Variants in ADK observed in about 807,000 individuals in gnomAD.
The protein encoded by ADK is adenosine kinase.
A neutral mutation model predicts 44.7 loss-of-function variants in ADK; 24 were observed. That is an observed-to-expected ratio of 0.54 (90% confidence interval 0.39 to 0.76). ADK has a LOEUF of 0.76. ADK is among the 30% of genes least tolerant of loss of function. ADK has a pLI of 0.00. For missense variants in ADK, 321 were observed against 425.1 expected (o/e 0.76, Z 2.15); for synonymous variants, 128 against 142.6 (o/e 0.90, Z 0.73).
chr10:74,175,902 A>G (rs1428608073), intron 1 of ADK, among the ~76,000 whole-genome samples: 6 of 152,244 alleles, frequency 3.9e-5, no homozygotes, highest in Non-Finnish European at 7.3e-5. Context: ...ACAATTTCTT[A>G]ACTCTTCAAC....
intron 8 of ADK, among the ~76,000 whole-genome samples, chr10:74,594,438 A>G (rs1425659809): frequency 6.6e-6 from 1 of 150,730 alleles, no homozygotes; most frequent in Admixed American, 6.6e-5. Context: ...GAAAATACCT[A>G]TTTCATACAA....
At chr10:74,168,532 G>A (rs1842087773) in intron 1 of ADK, among the ~76,000 whole-genome samples, 3 of 78,458 alleles carry the variant, frequency 3.8e-5, no homozygotes, top group African/African-American at 1.5e-4. Context: ...GAGCGAGACT[G>A]TCTCAAAAAA....
intron 1 of ADK, among the ~76,000 whole-genome samples, chr10:74,155,298 C>G (rs1841715043): frequency 6.6e-6 from 1 of 151,954 alleles, no homozygotes; most frequent in African/African-American, 2.4e-5. Flanking sequence ...GTCTGGGCAA[C>G]AAAATGAGAC....
At chr10:74,328,926 G>A (rs1456922360) in intron 4 of ADK, among the ~76,000 whole-genome samples, 4 of 151,850 alleles carry the variant, frequency 2.6e-5, no homozygotes, top group African/African-American at 9.7e-5. Context: ...GAGATCCAGG[G>A]TAGTCGTCTT....
chr10:74,222,255 A>G (rs963721510), intron 2 of ADK, among the ~76,000 whole-genome samples: 4 of 152,234 alleles, frequency 2.6e-5, no homozygotes, highest in African/African-American at 7.2e-5. Context: ...GAAACACATG[A>G]AAAAATGCTC....
intron 4 of ADK, among the ~76,000 whole-genome samples, chr10:74,356,002 A>ATTGTT (rs1842126404): frequency 1.2e-5 from 1 of 83,310 alleles, no homozygotes; most frequent in African/African-American, 5.1e-5. Context: ...TAAATAATTC[A>ATTGTT]TTTTTTTTTT....
At chr10:74,358,743 A>T (rs184026363) in intron 4 of ADK, among the ~76,000 whole-genome samples, 132 of 152,376 alleles carry the variant, frequency 8.7e-4, no homozygotes, top group African/African-American at 3.1e-3. Flanking sequence ...CTCCAGCTCC[A>T]TTCATAAATA....
At chr10:74,248,958 A>C (rs185002307) in intron 3 of ADK, among the ~76,000 whole-genome samples, 2 of 152,310 alleles carry the variant, frequency 1.3e-5, no homozygotes, top group Middle Eastern at 3.4e-3. Context: ...GGAAGACATA[A>C]ATGAATTGAT....
In ADK at chr10:74,268,354, C is replaced by CT. The variant is rs74628173; in HGVS notation, c.194+43777dup. On this transcript the variant is annotated intron_variant, in intron 3 of 10. Coordinates refer to ENST00000539909, the MANE Select transcript of ADK (RefSeq NM_006721.4). The stretch of plus-strand genomic sequence containing the variant: ...GCAACACCCCCCAACACATGAAAAA[C>CT]TTTTTTTTTTTTTTGGCTAAGCTGT... 1.6e-3 allele frequency among the ~76,000 whole-genome samples: 222 copies of CT among 142,340 alleles called. 1 individual carries two copies. The highest frequency in any genetic ancestry group is 5.0e-3 in the South Asian group (22 of 4,410). The allele number at this position is 142,340 out of a possible 152,430, so 93.4% of individuals were successfully genotyped here.
chr10:74,305,112 G>A (rs1004008194), intron 3 of ADK, among the ~76,000 whole-genome samples: 2 of 152,108 alleles, frequency 1.3e-5, no homozygotes, highest in African/African-American at 4.8e-5. Flanking sequence ...TGCTGTGTAA[G>A]TAGTTGTTAT....
intron 7 of ADK, among the ~76,000 whole-genome samples, chr10:74,528,550 G>T (rs1849153827): frequency 6.6e-6 from 1 of 151,770 alleles, no homozygotes; most frequent in Admixed American, 6.6e-5. Flanking sequence ...CAATTTTTGG[G>T]CATCGAAGGA....
chr10:74,279,910 C>G (rs1168700957), intron 3 of ADK, among the ~76,000 whole-genome samples: 3 of 152,010 alleles, frequency 2.0e-5, no homozygotes, highest in African/African-American at 7.2e-5. Context: ...TACTTGTAGT[C>G]CCAGCTATTC....
chr10:74,391,885 A>G (rs1342021750), intron 4 of ADK, among the ~76,000 whole-genome samples: 1 of 152,068 alleles, frequency 6.6e-6, no homozygotes, highest in Non-Finnish European at 1.5e-5. Flanking sequence ...TTGGCAACCA[A>G]CATTCTACTT....
At chr10:74,549,874 A>G (rs760662321) in intron 7 of ADK, among the ~76,000 whole-genome samples, 1 of 152,200 alleles carries the variant, frequency 6.6e-6, no homozygotes, top group Non-Finnish European at 1.5e-5. Context: ...TTTAATAGCT[A>G]TAGATATGCC....
At chr10:74,690,669 C>T (rs565168787) in intron 10 of ADK, among the ~76,000 whole-genome samples, 1 of 152,186 alleles carries the variant, frequency 6.6e-6, no homozygotes, top group African/African-American at 2.4e-5. Flanking sequence ...AAATGTTATT[C>T]ATTCAACACC....
intron 7 of ADK, among the ~76,000 whole-genome samples, chr10:74,578,212 T>C (rs918834948): frequency 1.1e-4 from 17 of 152,204 alleles, no homozygotes; most frequent in Admixed American, 9.2e-4. Context: ...TCTTTCTTCT[T>C]TTCATCTAAT....
intron 4 of ADK, among the ~76,000 whole-genome samples, chr10:74,381,325 A>G (rs1842971060): frequency 6.6e-6 from 1 of 152,218 alleles, no homozygotes; most frequent in Admixed American, 6.5e-5. Flanking sequence ...ATGGTAAATA[A>G]AATGGTAAAT....
rs1342536340 is a variant in ADK, at chr10:74,547,488, T to TA, written c.726+22062_726+22063insA. 3.5e-3 allele frequency among the ~76,000 whole-genome samples: 507 copies of TA among 144,376 alleles called. 7 individuals are homozygous for TA. The highest frequency in any genetic ancestry group is 0.012 in the African/African-American group (480 of 40,196). The allele number at this position is 144,376 out of a possible 152,430, so 94.7% of individuals were successfully genotyped here. The stretch of plus-strand genomic sequence containing the variant: ...TTTATTTATTTTTATTTTATTATTT[T>TA]TTTTTTTTTTTGGAGACAGAGCCTT... On this transcript the variant is annotated intron_variant, in intron 7 of 10. Transcript: ENST00000539909.
At chr10:74,475,712 GAGAA>G (rs905162899) in intron 6 of ADK, among the ~76,000 whole-genome samples, 9 of 151,022 alleles carry the variant, frequency 6.0e-5, no homozygotes, top group African/African-American at 2.0e-4. Context: ...TCTCTAAACA[GAGAA>G]AGAGAGAGAA....
Sources: allele counts gnomAD v4.1 joint callset (sites outside exome capture counted in the v4.1 genomes callset), GRCh38; gene constraint gnomAD v4.1.1; transcripts MANE v1.5; gene names NCBI Gene and HGNC (gene_info 2026-07-23, HGNC 2026-07-21).